The following LOC400499 variants were observed in gnomAD, a reference collection of about 807,000 sequenced individuals.
the LOC400499 span, among the ~76,000 whole-genome samples, chr16:11,403,319 C>A: frequency 6.6e-6 from 1 of 152,200 alleles, no homozygotes; most frequent in Non-Finnish European, 1.5e-5. Flanking sequence ...GGGCTAGAAC[C>A]CTTTGTTCCT....
the LOC400499 span, among the ~76,000 whole-genome samples, chr16:11,380,604 A>G: frequency 6.6e-6 from 1 of 152,004 alleles, no homozygotes; most frequent in Non-Finnish European, 1.5e-5. Context: ...ACTTATAACC[A>G]CCTTTTAATT....
the LOC400499 span, among the ~76,000 whole-genome samples, chr16:11,507,492 G>C: frequency 6.6e-6 from 1 of 152,182 alleles, no homozygotes; most frequent in Non-Finnish European, 1.5e-5. Context: ...GTGGCTTTAA[G>C]CACATTTCCT....
At chr16:11,396,864 C>T in the LOC400499 span, among the ~76,000 whole-genome samples, 3 of 152,158 alleles carry the variant, frequency 2.0e-5, no homozygotes, top group Non-Finnish European at 4.4e-5. Flanking sequence ...TGGCATGGCC[C>T]GTGGCCTGCT....
chr16:11,439,982 A>G, the LOC400499 span, among the ~76,000 whole-genome samples: 1 of 152,156 alleles, frequency 6.6e-6, no homozygotes, highest in Non-Finnish European at 1.5e-5. Context: ...CCCAGCTAGC[A>G]AAACTGAGGC....
At chr16:11,502,956 C>T in the LOC400499 span, among the ~76,000 whole-genome samples, 1 of 138,594 alleles carries the variant, frequency 7.2e-6, no homozygotes, top group Admixed American at 7.9e-5. Context: ...GGATCTCCCT[C>T]TGTCTCCCGG....
the LOC400499 span, among the ~76,000 whole-genome samples, chr16:11,380,640 G>A: frequency 6.6e-6 from 1 of 152,200 alleles, no homozygotes; most frequent in East Asian, 1.9e-4. Flanking sequence ...AATTATAACG[G>A]GTGACTGCTT....
the LOC400499 span, among the ~76,000 whole-genome samples, chr16:11,475,162 T>G: frequency 6.6e-6 from 1 of 152,046 alleles, no homozygotes; most frequent in Non-Finnish European, 1.5e-5. Context: ...CAGCCCGCTT[T>G]TCCCCTTTAA....
At chr16:11,443,940 C>T in the LOC400499 span, among the ~76,000 whole-genome samples, 29 of 152,034 alleles carry the variant, frequency 1.9e-4, no homozygotes, top group African/African-American at 6.7e-4. Context: ...TTTCAAGTGA[C>T]TCTTGTGCCT....
At chr16:11,436,297 G>A in the LOC400499 span, among the ~76,000 whole-genome samples, 5 of 152,138 alleles carry the variant, frequency 3.3e-5, no homozygotes, top group South Asian at 4.1e-4. Flanking sequence ...AGTGCCCCAC[G>A]GGAACCAGAG....
the LOC400499 span, chr16:11,384,957 C>T: frequency 8.1e-7 from 1 of 1,232,192 alleles, no homozygotes; most frequent in South Asian, 4.1e-5. Flanking sequence ...GACACCCCGT[C>T]CTCGCTGGCC....
At chr16:11,453,806 A>AAAAAAG in the LOC400499 span, among the ~76,000 whole-genome samples, 3 of 151,788 alleles carry the variant, frequency 2.0e-5, no homozygotes, top group Non-Finnish European at 3.0e-5. Flanking sequence ...CATTCTCCAA[A>AAAAAAG]AAAAAGAAAA....
the LOC400499 span, among the ~76,000 whole-genome samples, chr16:11,383,013 T>G: frequency 6.6e-6 from 1 of 151,686 alleles, no homozygotes; most frequent in African/African-American, 2.4e-5. Context: ...CTGGGAGGCC[T>G]CAGGAAGCTT....
the LOC400499 span, among the ~76,000 whole-genome samples, chr16:11,413,332 G>T: frequency 6.6e-6 from 1 of 152,188 alleles, no homozygotes; most frequent in Non-Finnish European, 1.5e-5. Context: ...TGCAGGAGGG[G>T]TGACATCCTG....
At chr16:11,380,739 C>A in the LOC400499 span, 1 of 152,192 alleles carries the variant, frequency 6.6e-6, no homozygotes, top group Admixed American at 6.5e-5. Context: ...AGGACCTTAA[C>A]TGCAGATACC....
the LOC400499 span, among the ~76,000 whole-genome samples, chr16:11,468,405 C>G: frequency 6.6e-6 from 1 of 152,108 alleles, no homozygotes; most frequent in African/African-American, 2.4e-5. Context: ...CTCAGTGCAG[C>G]CTTGACCTTC....
chr16:11,445,060 G>A, the LOC400499 span, among the ~76,000 whole-genome samples: 1 of 150,698 alleles, frequency 6.6e-6, no homozygotes, highest in African/African-American at 2.5e-5. Flanking sequence ...CTGCACTACA[G>A]CCTGGGTGAC....
the LOC400499 span, among the ~76,000 whole-genome samples, chr16:11,505,445 CTTTTTTTTT>C: frequency 5.4e-4 from 39 of 71,972 alleles, no homozygotes; most frequent in African/African-American, 1.6e-3. Context: ...TTTTTCTTTT[CTTTTTTTTT>C]TTTTTTTTTT....
the LOC400499 span, chr16:11,372,734 T>C: frequency 1.0e-6 from 1 of 984,014 alleles, no homozygotes; most frequent in African/African-American, 1.7e-5. Flanking sequence ...AGACAAAATC[T>C]CAAACTGTAA....
At chr16:11,446,848 C>T in the LOC400499 span, 1 of 1,536,116 alleles carries the variant, frequency 6.5e-7, no homozygotes, top group Non-Finnish European at 8.7e-7. Context: ...CTGGTGTCGC[C>T]TATCAGCTGT....
Sources: gnomAD v4.1 joint callset for allele counts (sites outside exome capture counted in the v4.1 genomes callset) on GRCh38, gnomAD v4.1.1 for gene constraint, MANE v1.5 for transcripts.